Variants in NEGR1 observed in about 807,000 individuals in gnomAD.
NEGR1 encodes neuronal growth regulator 1.
NEGR1 carries 10 observed loss-of-function variants against 40.9 expected under a neutral mutation model. The observed-to-expected ratio is 0.24, with a 90% CI of 0.15 to 0.42. The LOEUF is 0.42. NEGR1 is among the 10% of genes least tolerant of loss of function. The pLI is 1.00. For synonymous variants in NEGR1, 185 were observed against 166.8 expected (o/e 1.11, Z -0.84); for missense variants, 352 against 438.9 (o/e 0.80, Z 1.77).
chr1:71,529,791 G>A (rs973917735), intron 6 of NEGR1, among the ~76,000 whole-genome samples: 2 of 151,002 alleles, frequency 1.3e-5, no homozygotes, highest in Non-Finnish European at 3.0e-5. Flanking sequence ...CATTCATTGT[G>A]AAAAACGCCC....
intron 1 of NEGR1, among the ~76,000 whole-genome samples, chr1:72,026,635 T>A (rs1646812891): frequency 2.0e-5 from 3 of 152,034 alleles, no homozygotes; most frequent in Admixed American, 2.0e-4. Context: ...ACCCTCTCTC[T>A]CTCCTGAAAT....
intron 1 of NEGR1, among the ~76,000 whole-genome samples, chr1:72,118,499 A>C (rs530519342): frequency 3.3e-5 from 5 of 151,956 alleles, no homozygotes; most frequent in African/African-American, 9.6e-5. Flanking sequence ...GTTGTGGCTC[A>C]AGTGGCAATA....
At chr1:72,149,879 C>CAAAAAAAAAAAAAAAAAAAAAAAAAA (rs1180110033) in intron 1 of NEGR1, among the ~76,000 whole-genome samples, 2 of 39,382 alleles carry the variant, frequency 5.1e-5, no homozygotes, top group Admixed American at 3.3e-4. Flanking sequence ...AAAACTCTGT[C>CAAAAAAAAAAAAAAAAAAAAAAAAAA]AAAAAAAAAA....
intron 2 of NEGR1, among the ~76,000 whole-genome samples, chr1:71,808,717 G>T (rs1192031219): frequency 6.6e-6 from 1 of 151,730 alleles, no homozygotes; most frequent in African/African-American, 2.4e-5. Context: ...CCAACTCCTT[G>T]TTACATATTC....
intron 1 of NEGR1, among the ~76,000 whole-genome samples, chr1:72,006,415 TA>T (rs1646607047): frequency 6.6e-6 from 1 of 152,130 alleles, no homozygotes; most frequent in Admixed American, 6.6e-5. Flanking sequence ...CCACAAAATG[TA>T]ATATATGTTC....
At chr1:71,874,283 T>G (rs1430100711) in intron 2 of NEGR1, among the ~76,000 whole-genome samples, 1 of 152,166 alleles carries the variant, frequency 6.6e-6, no homozygotes, top group Non-Finnish European at 1.5e-5. Flanking sequence ...TCTATGAAAG[T>G]GCATTATCAT....
chr1:72,105,545 T>A (rs547997604), intron 1 of NEGR1, among the ~76,000 whole-genome samples: 2 of 130,882 alleles, frequency 1.5e-5, no homozygotes, highest in East Asian at 3.9e-4. Context: ...CTCTCCACAG[T>A]AAATAAATAA....
At chr1:72,101,658 G>T (rs1431980849) in intron 1 of NEGR1, among the ~76,000 whole-genome samples, 2 of 151,552 alleles carry the variant, frequency 1.3e-5, no homozygotes, top group Non-Finnish European at 2.9e-5. Context: ...GTAAGAGATA[G>T]GGTTAATTCA....
chr1:71,522,575 G>T (rs980564083), intron 6 of NEGR1, among the ~76,000 whole-genome samples: 1 of 151,838 alleles, frequency 6.6e-6, no homozygotes, highest in Non-Finnish European at 1.5e-5. Context: ...CATCATTTCT[G>T]CTTGGTAGCA....
Position 71,679,831 on chromosome 1 carries a change from A to G in NEGR1, c.667+18177T>C, listed in dbSNP as rs1166835648. 2.0e-5 allele frequency among the ~76,000 whole-genome samples: 3 copies of G among 152,228 alleles called. No individual in the cohort carries two copies. In the East Asian group the frequency reaches 5.8e-4, roughly 29 times the overall value. Reference sequence around the variant, plus strand: ...ATGTAGATATTTTTATATGCCACTCATCAGGTTAAGTCCTCTTCTCTTCAT... The same window carrying G: ...ATGTAGATATTTTTATATGCCACTCGTCAGGTTAAGTCCTCTTCTCTTCAT... On this transcript the variant is annotated intron_variant, in intron 4 of 6. Transcript: ENST00000357731.
At chr1:71,586,319 C>A (rs1349216027) in intron 6 of NEGR1, among the ~76,000 whole-genome samples, 1 of 152,162 alleles carries the variant, frequency 6.6e-6, no homozygotes, top group Non-Finnish European at 1.5e-5. Flanking sequence ...TTATTTGGAA[C>A]TGTATGACAC....
chr1:71,781,989 A>C (rs911077532), intron 2 of NEGR1, among the ~76,000 whole-genome samples: 1 of 152,220 alleles, frequency 6.6e-6, no homozygotes, highest in Non-Finnish European at 1.5e-5. Flanking sequence ...GAATTTTAAA[A>C]GATCAAAATT....
At chr1:71,667,790 G>C (rs1292520733) in intron 4 of NEGR1, among the ~76,000 whole-genome samples, 4 of 152,136 alleles carry the variant, frequency 2.6e-5, no homozygotes, top group Non-Finnish European at 4.4e-5. Context: ...AGCTTTGTGA[G>C]TGTGGGCAAG....
At chr1:72,011,262 G>T (rs1344116612) in intron 1 of NEGR1, among the ~76,000 whole-genome samples, 4 of 152,014 alleles carry the variant, frequency 2.6e-5, no homozygotes, top group African/African-American at 7.2e-5. Flanking sequence ...TGTCTAAGAA[G>T]TTCATTACCA....
chr1:71,547,838 C>A (rs537328812), intron 6 of NEGR1, among the ~76,000 whole-genome samples: 105 of 151,804 alleles, frequency 6.9e-4, no homozygotes, highest in South Asian at 3.3e-3. Flanking sequence ...TGACCAAAGG[C>A]ATGTGACAGA....
At chr1:71,543,103 C>T (rs912229965) in intron 6 of NEGR1, among the ~76,000 whole-genome samples, 1 of 151,694 alleles carries the variant, frequency 6.6e-6, no homozygotes, top group African/African-American at 2.4e-5. Context: ...AACTGTTTTA[C>T]TATTTTATTC....
chr1:72,127,364 T>C (rs904888329), intron 1 of NEGR1, among the ~76,000 whole-genome samples: 6 of 144,558 alleles, frequency 4.2e-5, no homozygotes, highest in Non-Finnish European at 7.4e-5. Context: ...CCCAGGAGGC[T>C]GAGGCAGGAG....
chr1:72,008,001 A>G (rs1178859952), intron 1 of NEGR1, among the ~76,000 whole-genome samples: 1 of 152,190 alleles, frequency 6.6e-6, no homozygotes, highest in Non-Finnish European at 1.5e-5. Flanking sequence ...GAATTTTAAA[A>G]AGTTATCCTG....
At chr1:71,593,541 A>G (rs1317173707) in intron 5 of NEGR1, among the ~76,000 whole-genome samples, 1 of 152,236 alleles carries the variant, frequency 6.6e-6, no homozygotes, top group Non-Finnish European at 1.5e-5. Context: ...TATTGGAGAT[A>G]GCATTTAAAG....
Sources: gnomAD v4.1 joint callset for allele counts (sites outside exome capture counted in the v4.1 genomes callset) on GRCh38, gnomAD v4.1.1 for gene constraint, MANE v1.5 for transcripts, NCBI Gene and HGNC (gene_info 2026-07-23, HGNC 2026-07-21) for gene names.